SZT2: variants seen among roughly 807,000 people sequenced by gnomAD.
SZT2 encodes KICSTOR complex protein SZT2.
Under a neutral mutation model 404.2 loss-of-function variants are expected in SZT2, and 216 were observed. The observed-to-expected ratio is 0.53, with a 90% CI of 0.48 to 0.60. The LOEUF (loss-of-function observed/expected upper bound fraction) is 0.60, where lower values mean the gene tolerates loss of function less well. SZT2 is among the 20% of genes least tolerant of loss of function. The probability of loss-of-function intolerance (pLI) is 0.00; values close to 1 mark genes in which losing one functional copy is unlikely to be tolerated. For synonymous variants in SZT2, 1,693 were observed against 1,749.9 expected, an observed-to-expected ratio of 0.97 and a Z score of 0.81; for missense variants, 3,857 against 4,459.2, an observed-to-expected ratio of 0.86 and a Z score of 3.85.
At chr1:43,401,196 G>A (rs966870809) in intron 1 of SZT2, among the ~76,000 whole-genome samples, 4 of 152,150 alleles carry the variant, frequency 2.6e-5, no homozygotes, top group African/African-American at 9.7e-5. Flanking sequence ...AAGTGTTGGG[G>A]TTATAGGCTT....
chr1:43,433,789 A>T (rs969773154), intron 40 of SZT2, among the ~76,000 whole-genome samples: 1 of 152,234 alleles, frequency 6.6e-6, no homozygotes, highest in African/African-American at 2.4e-5. Flanking sequence ...AAAAAATAAT[A>T]AGGCATAATA....
chr1:43,421,539 C>A (rs1320264638), intron 11 of SZT2, among the ~76,000 whole-genome samples: 1 of 152,242 alleles, frequency 6.6e-6, no homozygotes, highest in Non-Finnish European at 1.5e-5. Context: ...AAGACTCACA[C>A]AGTGTCTAGG....
At chr1:43,394,130 C>G in intron 1 of SZT2, 1 of 969,394 alleles carries the variant, frequency 1.0e-6, no homozygotes, top group African/African-American at 1.8e-5. Context: ...AGAACTAATT[C>G]AGGGATTCTC....
chr1:43,399,516 C>G (rs1032927651), intron 1 of SZT2, among the ~76,000 whole-genome samples: 41 of 141,746 alleles, frequency 2.9e-4, no homozygotes, highest in Middle Eastern at 4.0e-3. Context: ...GGCTGGAGTG[C>G]AGTGGCGTGA....
In SZT2 at chr1:43,431,720, G is replaced by A. The variant is rs750814694; in HGVS notation, c.5093G>A (p.Arg1698His). 5 of 1,614,074 alleles carry A rather than the reference G, an allele frequency of 3.1e-6. No homozygotes were observed. The highest frequency in any genetic ancestry group is 4.2e-6 in the Non-Finnish European group (5 of 1,179,952). ...TCACTTGCTGTCTAACTGTAGATCC[G>A]CTGGTTGTTGGAAGATGAGATGGTG... is the stretch of plus-strand genomic sequence containing the variant. Reference protein sequence around the residue: ...LAIETTMNEIRWLLEDEMVGA... With the variant: ...LAIETTMNEIHWLLEDEMVGA... Residue 1698 changes from arginine to histidine, a missense_variant, in exon 36 of 72, where the codon CGC (arginine) becomes CAC (histidine). Physicochemically the swap from Arg to His is conservative, Grantham distance 29 (BLOSUM62 0). This residue lies in a region of SZT2 where 1,725 missense variants were observed against 1,881.0 expected (regional missense o/e 0.92). Transcript: ENST00000634258.
At position 43,424,301 on chromosome 1, in the gene SZT2, C is replaced by T. The variant is rs758121882; in HGVS notation, c.2340C>T (p.Arg780=). The change falls in exon 16 of 72, where the codon CGC becomes CGT. Residue 780 remains arginine, a synonymous_variant. Transcript: ENST00000634258. This position sits in a 1 kb window ranked among gnomAD's most constrained non-coding sequence, Gnocchi z 4.1. ...GTCCACTGCCCTTGGTGTCAGGCCG[C>T]TCAGCCTCTTCTAGCCTGGCGTCAC... ...PPGPLPLVSG[R]SASSSLASLS... is the part of the protein sequence containing the mutation. 6.3e-7 allele frequency: 1 copy of T among 1,598,058 alleles called. No homozygotes were observed. The highest frequency in any genetic ancestry group is 8.5e-7 in the Non-Finnish European group (1 of 1,179,590).
chr1:43,446,083 G>C lies in SZT2; in HGVS notation c.8917-96G>C. The C allele has an allele frequency of 5.0e-6, 8 of 1,586,050 alleles. No homozygotes were observed. In the South Asian group the frequency reaches 5.5e-5, roughly 11 times the overall value. ...TGATGTACCGAGGTCACTGATCCCA[G>C]ACTGACACCATTAAAGTCAGGGTCC... is the stretch of plus-strand genomic sequence containing the variant. On this transcript the variant is annotated intron_variant, in intron 63 of 71. Transcript: ENST00000634258.
intron 1 of SZT2, among the ~76,000 whole-genome samples, chr1:43,396,515 A>G (rs922636526): frequency 6.6e-6 from 1 of 152,256 alleles, no homozygotes; most frequent in African/African-American, 2.4e-5. Context: ...GGCAAAAAAA[A>G]CAAAGAAACA....
Position 43,443,492 on chromosome 1 carries a change from C to T in SZT2, c.8625+15C>T, listed in dbSNP as rs1299949948. ...CTGACGGGCAGGTAAGGCTGACTCCCAGACTTCTAGCAGACCTTTGCTTAC... is the reference window on the plus strand; with the variant it reads ...CTGACGGGCAGGTAAGGCTGACTCCTAGACTTCTAGCAGACCTTTGCTTAC... On this transcript the variant is annotated intron_variant, in intron 61 of 71. Coordinates refer to ENST00000634258, the MANE Select transcript of SZT2 (RefSeq NM_001365999.1). The T allele has an allele frequency of 6.2e-7, 1 of 1,613,962 alleles. No individual in the cohort carries two copies. The highest frequency in any genetic ancestry group is 1.3e-5 in the African/African-American group (1 of 74,934).
Position 43,434,409 on chromosome 1 carries a change from G to A in SZT2, c.5828G>A (p.Gly1943Glu), listed in dbSNP as rs1260566151. Residue 1943 changes from glycine to glutamate, a missense_variant, in exon 41 of 72, where the codon GGG (glycine) becomes GAG (glutamate). By Grantham distance (98) the Gly-to-Glu change is moderately conservative. Around this residue, in one of 7 missense-constraint regions of SZT2, gnomAD observed 1,725 missense variants for 1,881.0 expected, o/e 0.92. Transcript: ENST00000634258. ...HARSLIREDG[G>E]PGTECRHLQQ... ...AGGAGCCTGATTCGGGAGGATGGGGGGCCGGGCACTGAGTGTCGCCACCTG... is the reference window on the plus strand; with the variant it reads ...AGGAGCCTGATTCGGGAGGATGGGGAGCCGGGCACTGAGTGTCGCCACCTG... 3 of 1,596,706 alleles carry A rather than the reference G, an allele frequency of 1.9e-6. No homozygotes were observed. Among genetic ancestry groups the A allele is most frequent in the Non-Finnish European group, 2.6e-6 (3 of 1,173,302 alleles).
rs1557589101 is a variant in SZT2 at position 43,440,516 on chromosome 1, CT to C, written c.7275del (p.Ala2426ProfsTer8). ...GCAGGCCGAGCTAGCACCTTTCCCC[CT>C]GCCCCTGTCCCTGGGGAGCCTGTGA... ...SSAGRASTFP[P>X]APVPGEPVTP... On this transcript the variant is annotated frameshift_variant, in exon 52 of 72. Coordinates refer to ENST00000634258, the MANE Select transcript of SZT2 (RefSeq NM_001365999.1). LOFTEE classifies it high-confidence loss of function. 1.2e-6 allele frequency: 2 copies of C among 1,609,020 alleles called. No homozygotes were observed. Among genetic ancestry groups the C allele is most frequent in the African/African-American group, 1.3e-5 (1 of 74,744 alleles).
chr1:43,392,708 C>T lies in SZT2; in HGVS notation c.27+2713C>T, dbSNP rs1464365617. On this transcript the variant is annotated intron_variant, in intron 1 of 71. Coordinates refer to ENST00000634258, the MANE Select transcript of SZT2 (RefSeq NM_001365999.1). The stretch of plus-strand genomic sequence containing the variant: ...GATTACAGGCGTGAGCCACCGTGCC[C>T]AGCCTAAGTTAAGCATTTTTTAACT... Among the ~76,000 whole-genome samples, 6 of 152,330 alleles carry T rather than the reference C, an allele frequency of 3.9e-5. No individual in the cohort carries two copies. The East Asian group carries it at 1.2e-3, about 29-fold the overall frequency.
chr1:43,391,350 T>C (rs1044536761), intron 1 of SZT2, among the ~76,000 whole-genome samples: 25 of 151,934 alleles, frequency 1.6e-4, no homozygotes, highest in African/African-American at 5.8e-4. Flanking sequence ...ACACAGCTAT[T>C]AAGTATTAGA....
chr1:43,414,495 C>T (rs1439275507), intron 4 of SZT2, among the ~76,000 whole-genome samples: 5 of 152,018 alleles, frequency 3.3e-5, no homozygotes, highest in Non-Finnish European at 7.4e-5. Context: ...GATCTCTGCT[C>T]ACTGCAACCT....
At position 43,449,665 on chromosome 1, in the gene SZT2, A is replaced by C. The variant is rs1656140955; in HGVS notation, c.10087-438A>C. The C allele has an allele frequency of 1.2e-5, 3 of 247,858 alleles. No individual in the cohort carries two copies. The South Asian group carries it at 1.7e-4, about 14-fold the overall frequency. The allele number at this position is 247,858 out of a possible 1,614,324, so 15.4% of individuals were successfully genotyped here. The stretch of plus-strand genomic sequence containing the variant: ...AGTCCTAGGCAGCAGCTCTGTGAAC[A>C]GGCGGTAACTGAAGCCTTGGGAGAG... On this transcript the variant is annotated intron_variant, in intron 70 of 71. Coordinates refer to ENST00000634258, the MANE Select transcript of SZT2 (RefSeq NM_001365999.1).
At chr1:43,396,513 A>T (rs1230736189) in intron 1 of SZT2, among the ~76,000 whole-genome samples, 1 of 152,214 alleles carries the variant, frequency 6.6e-6, no homozygotes, top group African/African-American at 2.4e-5. Flanking sequence ...TGGGCAAAAA[A>T]AACAAAGAAA....
At position 43,403,352 on chromosome 1, in the gene SZT2, G is replaced by T. The variant is rs1221563237; in HGVS notation, c.153+50G>T. The T allele has an allele frequency of 5.7e-6, 9 of 1,583,264 alleles. No individual in the cohort carries two copies. In the Admixed American group the frequency reaches 9.1e-5, roughly 16 times the overall value. ...GTGAGGGGCCAGCCCAGAAGGATCT[G>T]TTTTTTAGGAGAGTGCTAGAAACAG... On this transcript the variant is annotated intron_variant, in intron 2 of 71. Transcript: ENST00000634258.
At chr1:43,449,769 G>A (rs1289304096) in intron 70 of SZT2, 4 of 437,916 alleles carry the variant, frequency 9.1e-6, no homozygotes, top group Non-Finnish European at 1.3e-5. Context: ...CAATCCCAGG[G>A]GTGGTCAGAG....
chr1:43,416,962 A>C (rs1651790607), intron 7 of SZT2, among the ~76,000 whole-genome samples: 1 of 152,220 alleles, frequency 6.6e-6, no homozygotes, highest in South Asian at 2.1e-4. Flanking sequence ...CCCCGCTCAA[A>C]CTAGCTTAAC....
Sources: gnomAD v4.1 joint callset for allele counts (sites outside exome capture counted in the v4.1 genomes callset) on GRCh38, gnomAD v4.1.1 for gene constraint, gnomAD v4.1.1 regional missense constraint, Gnocchi (gnomAD v3.1) non-coding constraint, MANE v1.5 for transcripts, NCBI Gene and HGNC (gene_info 2026-07-23, HGNC 2026-07-21) for gene names.